The following ZMIZ1 variants were observed in gnomAD, a reference collection of about 807,000 sequenced individuals.
ZMIZ1 encodes zinc finger MIZ-type containing 1.
In ZMIZ1, 17 loss-of-function variants were observed where a neutral mutation model predicts 113.9. That is an observed-to-expected ratio of 0.15 (90% confidence interval 0.10 to 0.22). The LOEUF (loss-of-function observed/expected upper bound fraction) is 0.22. ZMIZ1 is among the 10% of genes least tolerant of loss of function. The pLI, the probability that ZMIZ1 is intolerant of heterozygous loss-of-function variation, is 1.00. For synonymous variants in ZMIZ1, 607 were observed against 603.1 expected, an observed-to-expected ratio of 1.01 and a Z score of -0.09; for missense variants, 1,059 against 1,477.8, an observed-to-expected ratio of 0.72 and a Z score of 4.65.
intron 23 of ZMIZ1, among the ~76,000 whole-genome samples, chr10:79,310,213 A>C (rs1302682862): frequency 5.9e-5 from 9 of 152,068 alleles, no homozygotes; most frequent in African/African-American, 1.9e-4. Flanking sequence ...TGTGTTTTTG[A>C]GGGCTGGTGC....
chr10:79,208,705 G>A (rs1294235526), intron 6 of ZMIZ1, among the ~76,000 whole-genome samples: 1 of 152,226 alleles, frequency 6.6e-6, no homozygotes, highest in Non-Finnish European at 1.5e-5. Context: ...GAAAGACGCA[G>A]TGTTCACTTT....
chr10:79,212,037 GTCC>G (rs1489605388), intron 6 of ZMIZ1, among the ~76,000 whole-genome samples: 6 of 152,284 alleles, frequency 3.9e-5, no homozygotes, highest in Admixed American at 1.3e-4. Context: ...TAGACAGCCT[GTCC>G]TCCTGTTTTG....
chr10:79,218,791 C>G (rs956329918), intron 7 of ZMIZ1, among the ~76,000 whole-genome samples: 7 of 152,028 alleles, frequency 4.6e-5, no homozygotes, highest in African/African-American at 1.7e-4. Context: ...AAGGGGACAG[C>G]CTGTGCAAAG....
chr10:79,301,765 A>G (rs1041648846), intron 17 of ZMIZ1, among the ~76,000 whole-genome samples: 10 of 151,874 alleles, frequency 6.6e-5, no homozygotes, highest in African/African-American at 2.4e-4. Flanking sequence ...TTCCTGGAGG[A>G]GTGAAGGGAG....
At position 79,304,093 on chromosome 10, in the gene ZMIZ1, C is replaced by T; in HGVS notation, c.2204C>T (p.Ala735Val). ...GGGGAGGATGGGGTGGAGCAGACGG[C>T]CATCAAGGTGTCTCTGAAGTGCCCC... ...LNGEDGVEQT[A>V]IKVSLKCPIT... Residue 735 changes from alanine to valine, a missense_variant, in exon 19 of 25, where the codon GCC (alanine) becomes GTC (valine). By Grantham distance (64) the Ala-to-Val change is moderately conservative. Transcript: ENST00000334512. 6.2e-7 allele frequency: 1 copy of T among 1,614,216 alleles called. No homozygotes were observed. The highest frequency in any genetic ancestry group is 8.5e-7 in the Non-Finnish European group (1 of 1,180,046).
chr10:79,263,853 C>T (rs528748749), intron 7 of ZMIZ1, among the ~76,000 whole-genome samples: 2 of 152,186 alleles, frequency 1.3e-5, no homozygotes, highest in South Asian at 4.2e-4. Context: ...CTAGGGAAGG[C>T]CCAGCCTCAC....
intron 24 of ZMIZ1, 66 bp from the exon 25 acceptor site, chr10:79,312,576 A>G: frequency 1.3e-6 from 2 of 1,561,074 alleles, no homozygotes; most frequent in South Asian, 2.2e-5. Context: ...GCGCCCCTGC[A>G]TTCCTCACCC....
At chr10:79,196,610 C>G (rs1021457802) in intron 4 of ZMIZ1, among the ~76,000 whole-genome samples, 2 of 152,224 alleles carry the variant, frequency 1.3e-5, no homozygotes, top group African/African-American at 4.8e-5. Flanking sequence ...ACAGTCCCAT[C>G]TCCCAGTTTG....
chr10:79,269,848 C>T (rs1469760468), intron 7 of ZMIZ1, among the ~76,000 whole-genome samples: 2 of 152,206 alleles, frequency 1.3e-5, no homozygotes, highest in African/African-American at 4.8e-5. Flanking sequence ...TGCAGCCTGG[C>T]GAGGAAGCCT....
chr10:79,219,136 CAA>C (rs908244493), intron 7 of ZMIZ1, among the ~76,000 whole-genome samples: 8 of 152,036 alleles, frequency 5.3e-5, no homozygotes, highest in Admixed American at 4.6e-4. Context: ...ATCAGGAAGA[CAA>C]GAGTGGAATG....
At chr10:79,166,002 G>GTGT (rs56386650) in intron 4 of ZMIZ1, among the ~76,000 whole-genome samples, 10 of 13,452 alleles carry the variant, frequency 7.4e-4, no homozygotes, top group African/African-American at 1.2e-3. Context: ...GTGTGTGTGT[G>GTGT]GGCTCTCCCT....
intron 4 of ZMIZ1, among the ~76,000 whole-genome samples, chr10:79,188,120 G>A (rs1005335481): frequency 6.6e-6 from 1 of 152,220 alleles, no homozygotes; most frequent in Non-Finnish European, 1.5e-5. Flanking sequence ...ACATAATGAA[G>A]GACACGCCTA....
intron 2 of ZMIZ1, among the ~76,000 whole-genome samples, chr10:79,130,761 C>T (rs1844726934): frequency 6.6e-6 from 1 of 152,120 alleles, no homozygotes. Flanking sequence ...ATATTCTGTC[C>T]TTCACAGGAT....
intron 6 of ZMIZ1, among the ~76,000 whole-genome samples, chr10:79,215,808 C>T (rs1027628246): frequency 6.6e-6 from 1 of 151,998 alleles, no homozygotes; most frequent in Admixed American, 6.6e-5. Flanking sequence ...AAGAGCCACA[C>T]AGATGGAGCA....
In ZMIZ1 at chr10:79,197,636, A is replaced by G. The variant is rs63664263; in HGVS notation, c.-49-3948A>G. Reference sequence around the variant, plus strand: ...TACACACACACACACACACACACACACACACACCTGTACCCTGTCCCCTCC... The same window carrying G: ...TACACACACACACACACACACACACGCACACACCTGTACCCTGTCCCCTCC... On this transcript the variant is annotated intron_variant, in intron 4 of 24. Coordinates refer to ENST00000334512, the MANE Select transcript of ZMIZ1 (RefSeq NM_020338.4). 7.4e-5 allele frequency among the ~76,000 whole-genome samples: 11 copies of G among 147,996 alleles called. No individual in the cohort carries two copies. In the South Asian group the frequency reaches 2.4e-3, roughly 32 times the overall value.
At chr10:79,102,919 A>G (rs551718028) in intron 1 of ZMIZ1, among the ~76,000 whole-genome samples, 1 of 152,234 alleles carries the variant, frequency 6.6e-6, no homozygotes, top group East Asian at 1.9e-4. Flanking sequence ...TAAACATTGG[A>G]TAGAAAGCAG....
intron 5 of ZMIZ1, among the ~76,000 whole-genome samples, chr10:79,205,503 G>T (rs1367389770): frequency 6.6e-6 from 1 of 152,206 alleles, no homozygotes; most frequent in Non-Finnish European, 1.5e-5. Flanking sequence ...AAGAGAAACA[G>T]AGAACCGTGG....
intron 8 of ZMIZ1, among the ~76,000 whole-genome samples, chr10:79,288,255 A>G (rs1303666724): frequency 6.6e-6 from 1 of 152,186 alleles, no homozygotes; most frequent in Non-Finnish European, 1.5e-5. Context: ...CGGGTCATGC[A>G]GCCCTCCGCC....
intron 7 of ZMIZ1, among the ~76,000 whole-genome samples, chr10:79,256,025 G>C (rs1419441414): frequency 6.6e-6 from 1 of 152,224 alleles, no homozygotes; most frequent in East Asian, 1.9e-4. Context: ...CCTGGTGGCA[G>C]AGGGTCCCCA....
Sources: gnomAD v4.1 joint callset for allele counts (sites outside exome capture counted in the v4.1 genomes callset) on GRCh38, gnomAD v4.1.1 for gene constraint, MANE v1.5 for transcripts, NCBI Gene and HGNC (gene_info 2026-07-23, HGNC 2026-07-21) for gene names.